Variants in CFAP61 observed in about 807,000 individuals in gnomAD.
CFAP61 encodes the protein cilia and flagella associated protein 61.
A neutral mutation model predicts 135.6 loss-of-function variants in CFAP61; 107 were observed. That is an observed-to-expected ratio of 0.79 (90% CI 0.67 to 0.93). The LOEUF (loss-of-function observed/expected upper bound fraction) is 0.93, where lower values mean the gene tolerates loss of function less well. Among genes scored for constraint, CFAP61 ranks in the 40% least tolerant of loss-of-function variants. The pLI, the probability that CFAP61 is intolerant of heterozygous loss-of-function variation, is 0.00. For synonymous variants in CFAP61, 575 were observed against 578.5 expected, an observed-to-expected ratio of 0.99 and a Z score of 0.09; for missense variants, 1,507 against 1,556.2, an observed-to-expected ratio of 0.97 and a Z score of 0.53.
At chr20:20,112,445 T>G (rs2048863112) in intron 8 of CFAP61, among the ~76,000 whole-genome samples, 1 of 152,194 alleles carries the variant, frequency 6.6e-6, no homozygotes, top group South Asian at 2.1e-4. Context: ...TTATTTTATT[T>G]TATTTTTTCA....
intron 24 of CFAP61, among the ~76,000 whole-genome samples, chr20:20,296,219 CCCTT>C (rs2055512352): frequency 1.0e-5 from 1 of 99,308 alleles, no homozygotes; most frequent in Non-Finnish European, 2.1e-5. Context: ...CTCCCTTCAT[CCCTT>C]CCTTCCTTTC....
chr20:20,073,264 G>A (rs192027252), intron 3 of CFAP61, among the ~76,000 whole-genome samples: 22 of 152,344 alleles, frequency 1.4e-4, no homozygotes, highest in African/African-American at 1.4e-4. Context: ...TCATGTCGTC[G>A]TCATCGTTAT....
chr20:20,187,955 C>A lies in CFAP61; in HGVS notation c.1411C>A (p.Leu471Ile). 6.2e-7 allele frequency: 1 copy of A among 1,613,492 alleles called. No individual in the cohort carries two copies. The highest frequency in any genetic ancestry group is 8.5e-7 in the Non-Finnish European group (1 of 1,179,392). ...LKSINIRFAT[L>I]LDTPGVENLV... ...GTCCATTAATATAAGATTTGCCACT[C>A]TCTTGGATACTCCTGGTGTGGAAAA... Residue 471 changes from leucine (L) to isoleucine (I), a missense_variant, in exon 14 of 27, where the codon CTC (leucine) becomes ATC (isoleucine). Leu to Ile is a conservative substitution (Grantham distance 5). Coordinates refer to ENST00000245957, the MANE Select transcript of CFAP61 (RefSeq NM_015585.4).
At chr20:20,130,459 T>G (rs2050427454) in intron 8 of CFAP61, among the ~76,000 whole-genome samples, 1 of 151,910 alleles carries the variant, frequency 6.6e-6, no homozygotes. Context: ...TGTGTGTTTA[T>G]GTCTTGCATT....
intron 8 of CFAP61, among the ~76,000 whole-genome samples, chr20:20,112,690 A>G (rs1010226227): frequency 1.3e-5 from 2 of 152,060 alleles, no homozygotes; most frequent in African/African-American, 2.4e-5. Context: ...CTTAAGTTTA[A>G]TGTTTCTTTC....
chr20:20,108,753 C>T (rs569441194), intron 8 of CFAP61, among the ~76,000 whole-genome samples: 33 of 120,192 alleles, frequency 2.7e-4, no homozygotes, highest in South Asian at 1.6e-3. Flanking sequence ...TCCATGTCAA[C>T]GTAAGTTGCC....
chr20:20,072,783 T>C (rs1037033773), intron 3 of CFAP61, among the ~76,000 whole-genome samples: 1 of 152,134 alleles, frequency 6.6e-6, no homozygotes, highest in African/African-American at 2.4e-5. Context: ...TATGCCAGAT[T>C]TCAAATACTT....
chr20:20,073,940 G>A, intron 3 of CFAP61: 1 of 204,702 alleles, frequency 4.9e-6, no homozygotes, highest in Non-Finnish European at 1.0e-5. Flanking sequence ...AAGGGTGATT[G>A]TCTTTCACTT....
chr20:20,062,388 AG>A (rs2044873128), intron 2 of CFAP61, among the ~76,000 whole-genome samples: 1 of 152,236 alleles, frequency 6.6e-6, no homozygotes, highest in Admixed American at 6.5e-5. Context: ...CAGGTCTTAG[AG>A]GGAACTTATA....
intron 24 of CFAP61, among the ~76,000 whole-genome samples, chr20:20,294,859 C>T (rs1033987183): frequency 1.8e-4 from 27 of 150,768 alleles, no homozygotes; most frequent in Non-Finnish European, 3.7e-4. Flanking sequence ...ACCCGGGAAG[C>T]GGAGCTTGCA....
chr20:20,176,113 A>G (rs1303864773), intron 13 of CFAP61, among the ~76,000 whole-genome samples: 2 of 131,362 alleles, frequency 1.5e-5, no homozygotes, highest in Admixed American at 8.0e-5. Context: ...GCTCAAAATC[A>G]CTGATCATTA....
At chr20:20,228,715 C>T (rs1254931603) in intron 18 of CFAP61, 1 of 177,534 alleles carries the variant, frequency 5.6e-6, no homozygotes, top group Non-Finnish European at 1.2e-5. Flanking sequence ...GACCATATGG[C>T]CTTCAGTGCC....
chr20:20,121,362 G>T (rs2049614036), intron 8 of CFAP61, among the ~76,000 whole-genome samples: 1 of 152,000 alleles, frequency 6.6e-6, no homozygotes, highest in South Asian at 2.1e-4. Context: ...GCCTGAGTCA[G>T]CCTCCCAAAG....
At chr20:20,334,869 T>C (rs1381933082) in intron 25 of CFAP61, among the ~76,000 whole-genome samples, 3 of 152,234 alleles carry the variant, frequency 2.0e-5, no homozygotes, top group African/African-American at 7.2e-5. Context: ...TCTTTGGGAT[T>C]TTTTGTTGCA....
intron 13 of CFAP61, among the ~76,000 whole-genome samples, chr20:20,180,036 A>G (rs2054933343): frequency 6.6e-6 from 1 of 152,248 alleles, no homozygotes; most frequent in Non-Finnish European, 1.5e-5. Context: ...TATCTAATTA[A>G]AGAGCTTCTG....
chr20:20,107,966 T>C (rs1456175272), intron 8 of CFAP61, among the ~76,000 whole-genome samples: 3 of 152,154 alleles, frequency 2.0e-5, no homozygotes, highest in Non-Finnish European at 4.4e-5. Flanking sequence ...CTACATGAAA[T>C]ATTCTAAAAT....
intron 2 of CFAP61, among the ~76,000 whole-genome samples, chr20:20,066,599 T>A (rs1427838515): frequency 6.6e-6 from 1 of 151,686 alleles, no homozygotes; most frequent in Non-Finnish European, 1.5e-5. Flanking sequence ...ACACCACATG[T>A]TCTCACTCAT....
Position 20,113,030 on chromosome 20 carries a change from C to A in CFAP61, c.859+14216C>A, listed in dbSNP as rs373276617. 5.3e-5 allele frequency among the ~76,000 whole-genome samples: 8 copies of A among 152,160 alleles called. No individual in the cohort carries two copies. In the South Asian group the frequency reaches 6.2e-4, roughly 12 times the overall value. ...TTTGCATTGTGGTTAGAAAATATGA[C>A]CTGTGTAATTTCTACTTTTGTTTTA... On this transcript the variant is annotated intron_variant, in intron 8 of 26. Coordinates refer to ENST00000245957, the MANE Select transcript of CFAP61 (RefSeq NM_015585.4).
intron 8 of CFAP61, among the ~76,000 whole-genome samples, chr20:20,130,661 G>A (rs1482812967): frequency 6.6e-6 from 1 of 151,690 alleles, no homozygotes; most frequent in Admixed American, 6.6e-5. Context: ...ATCAATTCTA[G>A]CAAACAGTCA....
Sources: gnomAD v4.1 joint callset for allele counts (sites outside exome capture counted in the v4.1 genomes callset) on GRCh38, gnomAD v4.1.1 for gene constraint, MANE v1.5 for transcripts, NCBI Gene and HGNC (gene_info 2026-07-23, HGNC 2026-07-21) for gene names.